CFHR5: variants seen among roughly 807,000 people sequenced by gnomAD.
CFHR5 encodes complement factor H related 5, also known as complement factor H-related protein 5.
CFHR5 carries 73 observed loss-of-function variants against 62.9 expected under a neutral mutation model. The observed-to-expected ratio is 1.16, with a 90% CI of 0.96 to 1.41. The LOEUF is 1.41. Ranked by LOEUF, CFHR5 falls within the 40% of genes most tolerant of loss-of-function variation. The pLI, the probability that CFHR5 is intolerant of heterozygous loss-of-function variation, is 0.00. For missense variants in CFHR5, 779 were observed against 679.9 expected, an observed-to-expected ratio of 1.15 and a Z score of -1.62; for synonymous variants, 249 against 227.2, an observed-to-expected ratio of 1.10 and a Z score of -0.86.
intron 3 of CFHR5, among the ~76,000 whole-genome samples, chr1:196,990,676 T>C (rs950154770): frequency 6.6e-6 from 1 of 152,204 alleles, no homozygotes; most frequent in Admixed American, 6.5e-5. Context: ...AATTCTTGTC[T>C]TTAGGAATGT....
intron 3 of CFHR5, among the ~76,000 whole-genome samples, chr1:196,987,280 G>A (rs1425300312): frequency 6.6e-6 from 1 of 152,002 alleles, no homozygotes; most frequent in East Asian, 1.9e-4. Context: ...CAGATGGGTA[G>A]ATTGCAAAGA....
chr1:196,984,167 C>T (rs1282868623), intron 3 of CFHR5, 30 bp downstream of exon 3: 1 of 1,583,474 alleles, frequency 6.3e-7, no homozygotes, highest in Admixed American at 1.7e-5. Flanking sequence ...CTCAGTTTTG[C>T]TAATTATTTA....
chr1:196,983,370 G>A (rs994845405), intron 2 of CFHR5, among the ~76,000 whole-genome samples: 12 of 152,080 alleles, frequency 7.9e-5, no homozygotes, highest in Non-Finnish European at 1.0e-4. Context: ...TATTCATTCG[G>A]TAGCAGCCTG....
At chr1:196,993,600 A>G (rs1398379772) in intron 3 of CFHR5, among the ~76,000 whole-genome samples, 2 of 152,138 alleles carry the variant, frequency 1.3e-5, no homozygotes, top group African/African-American at 4.8e-5. Context: ...TCAGGCCCAC[A>G]TATCTACTTT....
chr1:196,985,074 A>T (rs1653645889), intron 3 of CFHR5, among the ~76,000 whole-genome samples: 1 of 152,202 alleles, frequency 6.6e-6, no homozygotes, highest in African/African-American at 2.4e-5. Context: ...AAAATTTTCT[A>T]AATTTTTTTT....
intron 9 of CFHR5, among the ~76,000 whole-genome samples, chr1:197,007,092 C>T (rs1654309015): frequency 6.6e-6 from 1 of 151,904 alleles, no homozygotes; most frequent in Non-Finnish European, 1.5e-5. Flanking sequence ...GCCTCGGCCT[C>T]CCAAAGTGCT....
intron 7 of CFHR5, among the ~76,000 whole-genome samples, 189 bp downstream of exon 7, chr1:196,998,493 A>G (rs370215662): frequency 2.6e-5 from 4 of 152,104 alleles, no homozygotes; most frequent in African/African-American, 9.7e-5. Flanking sequence ...GCTTTCTGGT[A>G]AAGATGAGAG....
rs762992026 is a variant in CFHR5 at position 196,983,990 on chromosome 1, G to T, written c.283G>T (p.Gly95Cys). The T allele has an allele frequency of 1.9e-6, 3 of 1,611,002 alleles. No individual in the cohort carries two copies. In the South Asian group the frequency reaches 3.3e-5, roughly 18 times the overall value. Residue 95 changes from glycine (G) to cysteine (C), a missense_variant, in exon 3 of 10, where the codon GGT becomes TGT. Transcript: ENST00000256785. The stretch of plus-strand genomic sequence containing the variant: ...GTGTTCCTTTCCTTTTGTGAAAAAT[G>T]GTCATTCTGAATCTTCAGGACTAAT... ...RMCSFPFVKNGHSESSGLIHL... is the reference protein window; with the variant it reads ...RMCSFPFVKNCHSESSGLIHL...
chr1:196,983,293 T>C (rs922282075), intron 2 of CFHR5, among the ~76,000 whole-genome samples: 10 of 152,186 alleles, frequency 6.6e-5, no homozygotes, highest in African/African-American at 2.2e-4. Context: ...ATGCCCTACA[T>C]GTTGAAATAC....
At chr1:197,004,516 T>C in intron 8 of CFHR5, 145 bp from the exon 9 acceptor site, 1 of 694,234 alleles carries the variant, frequency 1.4e-6, no homozygotes, top group East Asian at 2.7e-5. Flanking sequence ...ACAATATGTT[T>C]TGAATCAGAC....
intron 9 of CFHR5, among the ~76,000 whole-genome samples, chr1:197,005,457 G>A (rs1224039531): frequency 6.6e-6 from 1 of 151,802 alleles, no homozygotes; most frequent in East Asian, 1.9e-4. Context: ...TGCACTTTGT[G>A]GCATTAAAAA....
At chr1:197,000,946 C>G (rs1654137474) in intron 7 of CFHR5, among the ~76,000 whole-genome samples, 1 of 152,080 alleles carries the variant, frequency 6.6e-6, no homozygotes, top group South Asian at 2.1e-4. Context: ...GCCTGATATC[C>G]TCTTTTCATG....
At position 196,999,827 on chromosome 1, in the gene CFHR5, G is replaced by GTGTA. The variant is rs1654098970; in HGVS notation, c.1147+1524_1147+1525insGTAT. Among the ~76,000 whole-genome samples the GTGTA allele has an allele frequency of 1.1e-4, 16 of 146,122 alleles. No individual in the cohort carries two copies. The South Asian group carries it at 3.4e-3, about 31-fold the overall frequency. Reference sequence around the variant, plus strand: ...TATATGTGTGTGTGTGTGTGTGTGTGTATATATATAATATATATGTATATC... The same window carrying GTGTA: ...TATATGTGTGTGTGTGTGTGTGTGTGTGTATATATATATAATATATATGTATATC... On this transcript the variant is annotated intron_variant, in intron 7 of 9. Transcript: ENST00000256785.
At chr1:196,976,799 C>CTTTTTTTTTTTTTTTTTTTTT (rs10588279), upstream of CFHR5, among the ~76,000 whole-genome samples, 6 of 98,140 alleles carry the variant, frequency 6.1e-5, no homozygotes, top group African/African-American at 2.3e-4. Context: ...AAAAATTATT[C>CTTTTTTTTTTTTTTTTTTTTT]TTTTTTTTTT....
In CFHR5 at chr1:196,998,233, G is replaced by A; in HGVS notation, c.1076G>A (p.Cys359Tyr). Residue 359 changes from cysteine to tyrosine, a missense_variant, in exon 7 of 10, where the codon TGT becomes TAT. By Grantham distance (194) the Cys-to-Tyr change is radical. Transcript: ENST00000256785. ...FNHNSRIRYR[C>Y]SDIFRYRHSV... The stretch of plus-strand genomic sequence containing the variant: ...CATAATTCTAGAATACGTTACAGAT[G>A]TTCAGACATCTTCAGATACAGGCAC... 1 of 1,610,902 alleles carries A rather than the reference G, an allele frequency of 6.2e-7. No individual in the cohort carries two copies. The highest frequency in any genetic ancestry group is 8.5e-7 in the Non-Finnish European group (1 of 1,178,166).
intron 1 of CFHR5, among the ~76,000 whole-genome samples, chr1:196,979,256 C>CTGTGTG (rs57862148): frequency 0.034 from 5,053 of 148,508 alleles, 198 homozygotes; most frequent in African/African-American, 0.094. Context: ...AGGTAATTGT[C>CTGTGTG]TGTGTGTGTG....
rs1380710981 is a variant in CFHR5 at position 196,994,184 on chromosome 1, C to A, written c.535C>A (p.Leu179Ile). 2 of 1,613,520 alleles carry A rather than the reference C, an allele frequency of 1.2e-6. No individual in the cohort carries two copies. The highest frequency in any genetic ancestry group is 2.7e-5 in the African/African-American group (2 of 74,986). Residue 179 changes from leucine to isoleucine, a missense_variant, in exon 4 of 10, where the codon CTT becomes ATT. By Grantham distance (5) the Leu-to-Ile change is conservative. Coordinates refer to ENST00000256785, the MANE Select transcript of CFHR5 (RefSeq NM_030787.4). ...GTTGAAATTCTCCTGCAGAAAAAAT[C>A]TTATAAGAGTTGGATCAGACTCAGT... ...DVLKFSCRKN[L>I]IRVGSDSVQC...
At chr1:196,986,813 C>T (rs1245366351) in intron 3 of CFHR5, among the ~76,000 whole-genome samples, 1 of 152,002 alleles carries the variant, frequency 6.6e-6, no homozygotes, top group Non-Finnish European at 1.5e-5. Context: ...ATTGTGAATA[C>T]TGCCACAATA....
rs186121312 is a variant in CFHR5, at chr1:196,991,434, G to A, written c.431-2646G>A. ...TGGTGAGGAGCTATGATCCTTTGGA[G>A]GAGAAGAGACACTCTGGTTTTTAGA... is the stretch of plus-strand genomic sequence containing the variant. On this transcript the variant is annotated intron_variant, in intron 3 of 9. Transcript: ENST00000256785. 1.1e-4 allele frequency among the ~76,000 whole-genome samples: 17 copies of A among 152,264 alleles called. No homozygotes were observed. In the East Asian group the frequency reaches 3.3e-3, roughly 29 times the overall value.
Sources: gnomAD v4.1 joint callset for allele counts (sites outside exome capture counted in the v4.1 genomes callset) on GRCh38, gnomAD v4.1.1 for gene constraint, MANE v1.5 for transcripts, NCBI Gene and HGNC (gene_info 2026-07-23, HGNC 2026-07-21) for gene names.